RNPS1: variants seen among roughly 807,000 people sequenced by gnomAD.
RNPS1 encodes RNA binding protein with serine rich domain 1.
For synonymous variants in RNPS1, 147 were observed against 150.0 expected (o/e 0.98, Z 0.15); for missense variants, 300 against 427.6 (o/e 0.70, Z 2.63).
chr16:2,262,591 A>C (rs2093607556), intron 5 of RNPS1, 149 bp downstream of exon 5: 2 of 928,446 alleles, frequency 2.2e-6, no homozygotes, highest in African/African-American at 1.7e-5. Flanking sequence ...ACATGTATTA[A>C]TGGTCCACCA....
chr16:2,254,823 G>T (rs371576368), intron 7 of RNPS1, among the ~76,000 whole-genome samples: 1 of 142,488 alleles, frequency 7.0e-6, no homozygotes, highest in Non-Finnish European at 1.5e-5. Flanking sequence ...CTCACTGCAA[G>T]CTCCACCTCC....
At chr16:2,261,221 A>G (rs2093601844) in intron 6 of RNPS1, among the ~76,000 whole-genome samples, 1 of 152,152 alleles carries the variant, frequency 6.6e-6, no homozygotes, top group African/African-American at 2.4e-5. Flanking sequence ...CTAATTGGAA[A>G]TCACTGAAAT....
intron 6 of RNPS1, among the ~76,000 whole-genome samples, chr16:2,261,377 G>A (rs750622420): frequency 4.6e-5 from 7 of 152,224 alleles, no homozygotes; most frequent in African/African-American, 1.4e-4. Context: ...AAGTGCTACC[G>A]GGAACAAATC....
chr16:2,264,121 T>C (rs2093614846), intron 3 of RNPS1, 55 bp downstream of exon 3: 1 of 1,593,728 alleles, frequency 6.3e-7, no homozygotes, highest in Non-Finnish European at 8.6e-7. Flanking sequence ...CTGTGGGGAG[T>C]GGGGGTGTAG....
At chr16:2,267,217 T>A (rs907323694) in intron 1 of RNPS1, 1 of 985,302 alleles carries the variant, frequency 1.0e-6, no homozygotes, top group African/African-American at 1.7e-5. Flanking sequence ...ACCTCCCCCA[T>A]CCTCCGGAAA....
rs1421793894 is a variant in RNPS1 at position 2,262,216 on chromosome 16, T to A, written c.676+62A>T. On this transcript the variant is annotated intron_variant, in intron 6 of 7. Transcript: ENST00000320225. ...AAGTGCAGCCCAGTTGGAAATCAGT[T>A]TGAAAGCCCCTCGCGGCGGCGGGTC... The A allele has an allele frequency of 1.0e-5, 16 of 1,529,446 alleles. No individual in the cohort carries two copies. In the Admixed American group the frequency reaches 2.6e-4, roughly 24 times the overall value. The allele number at this position is 1,529,446 out of a possible 1,614,324, so 94.7% of individuals were successfully genotyped here.
chr16:2,254,158 A>G, intron 7 of RNPS1, 95 bp from the exon 8 acceptor site: 1 of 892,644 alleles, frequency 1.1e-6, no homozygotes, highest in South Asian at 1.9e-5. Context: ...ACTTTTTGAG[A>G]TGGAATATCA....
At chr16:2,263,498 TGATGGGCTGCCTTCTA>T (rs1305524709) in intron 3 of RNPS1, among the ~76,000 whole-genome samples, 4 of 151,904 alleles carry the variant, frequency 2.6e-5, no homozygotes, top group Non-Finnish European at 5.9e-5. Flanking sequence ...AGGACAGAGG[TGATGGGCTGCCTTCTA>T]CCCATACAGA....
At chr16:2,264,049 G>A (rs2093614594) in intron 3 of RNPS1, 127 bp downstream of exon 3, 3 of 1,157,268 alleles carry the variant, frequency 2.6e-6, no homozygotes, top group Non-Finnish European at 3.7e-6. Flanking sequence ...CCATAAATTA[G>A]GGTCTCTACT....
intron 6 of RNPS1, among the ~76,000 whole-genome samples, chr16:2,259,059 G>A (rs1183793382): frequency 6.7e-6 from 1 of 149,240 alleles, no homozygotes; most frequent in East Asian, 2.0e-4. Context: ...GGAGGCGGAG[G>A]TTGCAGTGAG....
In RNPS1 at chr16:2,264,726, T is replaced by C. The variant is rs970497093; in HGVS notation, c.-83A>G. On this transcript the variant is annotated 5_prime_UTR_variant, in exon 2 of 8. Coordinates refer to ENST00000320225, the MANE Select transcript of RNPS1 (RefSeq NM_080594.4). ...CTTCTAACTTGATTCTGAGAAACGA[T>C]CCCTAATCGATTGCAATTTACGCCA... 1.3e-6 allele frequency: 2 copies of C among 1,584,412 alleles called. No homozygotes were observed. Among genetic ancestry groups the C allele is most frequent in the Non-Finnish European group, 1.7e-6 (2 of 1,171,938 alleles).
chr16:2,254,022 G>A lies in RNPS1; in HGVS notation c.860C>T (p.Ser287Leu). ...PRRRSPVRRR[S>L]RSPGRRRHRS... The stretch of plus-strand genomic sequence containing the variant: ...GTGGCGGCGGCGGCCCGGGGACCGT[G>A]ATCTCCGGCGCACGGGGGACCTGCG... Residue 287 changes from serine to leucine, a missense_variant, in exon 8 of 8, where the codon TCA becomes TTA. Coordinates refer to ENST00000320225, the MANE Select transcript of RNPS1 (RefSeq NM_080594.4). The A allele has an allele frequency of 6.6e-7, 1 of 1,520,720 alleles. No homozygotes were observed. The highest frequency in any genetic ancestry group is 8.8e-7 in the Non-Finnish European group (1 of 1,131,534). 94.2% of individuals were successfully genotyped at this position (1,520,720 alleles called of 1,614,324 possible). A position where few individuals can be genotyped will look rare whatever the true frequency, so the allele number is the denominator to read the frequency against.
chr16:2,257,923 T>TG (rs2093585908), intron 6 of RNPS1: 1 of 152,222 alleles, frequency 6.6e-6, no homozygotes, highest in Admixed American at 6.5e-5. Context: ...GACAGCACTG[T>TG]GGGCTGTGTT....
chr16:2,261,719 G>A (rs1051661143), intron 6 of RNPS1, among the ~76,000 whole-genome samples: 2 of 152,106 alleles, frequency 1.3e-5, no homozygotes, highest in African/African-American at 2.4e-5. Flanking sequence ...ATAAAATAAC[G>A]AAGAATACGT....
chr16:2,267,254 G>C, intron 1 of RNPS1: 1 of 985,400 alleles, frequency 1.0e-6, no homozygotes, highest in South Asian at 4.7e-5. Flanking sequence ...CCAGAGAGAG[G>C]AGAGAACAAT....
intron 7 of RNPS1, among the ~76,000 whole-genome samples, chr16:2,254,419 G>A (rs1221478412): frequency 6.6e-6 from 1 of 151,452 alleles, no homozygotes; most frequent in Non-Finnish European, 1.5e-5. Context: ...TCAGCCTCCC[G>A]AGTAACTGGG....
At chr16:2,262,982 T>C in intron 4 of RNPS1, 114 bp downstream of exon 4, 1 of 1,332,884 alleles carries the variant, frequency 7.5e-7, no homozygotes, top group Non-Finnish European at 1.0e-6. Flanking sequence ...ATTATTCCTG[T>C]CTCAGAAATC....
chr16:2,266,391 G>A, intron 1 of RNPS1: 2 of 985,368 alleles, frequency 2.0e-6, no homozygotes, highest in Non-Finnish European at 2.4e-6. Context: ...CGGACAATCA[G>A]TGAGTATCAT....
chr16:2,261,494 G>T (rs927282100), intron 6 of RNPS1, among the ~76,000 whole-genome samples: 1 of 152,200 alleles, frequency 6.6e-6, no homozygotes, highest in African/African-American at 2.4e-5. Context: ...CGATTCTCGT[G>T]ATTAATAAAT....
Sources: allele counts gnomAD v4.1 joint callset (sites outside exome capture counted in the v4.1 genomes callset), GRCh38; gene constraint gnomAD v4.1.1; transcripts MANE v1.5; gene names NCBI Gene and HGNC (gene_info 2026-07-23, HGNC 2026-07-21).